CDK14: variants seen among roughly 807,000 people sequenced by gnomAD.
CDK14 encodes the protein cyclin-dependent kinase 14.
A neutral mutation model predicts 60.7 loss-of-function variants in CDK14; 34 were observed. That is an observed-to-expected ratio of 0.56 (90% CI 0.43 to 0.75). CDK14 has a LOEUF of 0.75. CDK14 is among the 30% of genes least tolerant of loss of function. The pLI, the probability that CDK14 is intolerant of heterozygous loss-of-function variation, is 0.00. For synonymous variants in CDK14, 197 were observed against 203.7 expected (o/e 0.97, Z 0.28); for missense variants, 482 against 564.1 (o/e 0.85, Z 1.47).
intron 5 of CDK14, among the ~76,000 whole-genome samples, chr7:90,856,886 T>G (rs971457251): frequency 3.3e-5 from 5 of 152,206 alleles, no homozygotes; most frequent in African/African-American, 9.6e-5. Context: ...GAGTAGTCAT[T>G]CTGGGAAAGT....
intron 2 of CDK14, among the ~76,000 whole-genome samples, chr7:90,647,032 A>G (rs1422663332): frequency 6.6e-6 from 1 of 152,204 alleles, no homozygotes; most frequent in Non-Finnish European, 1.5e-5. Context: ...AATCTGGAAC[A>G]TGAAAATATA....
At chr7:90,676,932 C>CA (rs1369059838) in intron 2 of CDK14, among the ~76,000 whole-genome samples, 2 of 145,062 alleles carry the variant, frequency 1.4e-5, no homozygotes, top group Non-Finnish European at 3.0e-5. Flanking sequence ...CATGTTTATT[C>CA]AGTTGTATAT....
At chr7:90,619,062 A>C (rs1799712116) in intron 2 of CDK14, among the ~76,000 whole-genome samples, 1 of 152,178 alleles carries the variant, frequency 6.6e-6, no homozygotes, top group South Asian at 2.1e-4. Flanking sequence ...CATTTAACAT[A>C]CATTTGAGAG....
intron 4 of CDK14, among the ~76,000 whole-genome samples, chr7:90,785,123 GACAAAATCATAATGGA>G (rs200248706): frequency 0.069 from 10,571 of 152,138 alleles, 851 homozygotes; most frequent in East Asian, 0.42. Flanking sequence ...TTTCTCTTGA[GACAAAATCATAATGGA>G]AGAGAGAAGC....
rs187559716 is a variant in CDK14, at chr7:90,816,367, C to T, written c.544+25715C>T. Among the ~76,000 whole-genome samples the T allele has an allele frequency of 5.4e-3, 829 of 152,278 alleles. 6 individuals are homozygous for T. Among genetic ancestry groups the T allele is most frequent in the Middle Eastern group, 0.02 (6 of 294 alleles). ...TCCTGAAAGTTTTCTAATGAAAACT[C>T]GAGCTGCTCAGATGTTCACTGTTAT... is the stretch of plus-strand genomic sequence containing the variant. On this transcript the variant is annotated intron_variant, in intron 5 of 14. Transcript: ENST00000380050.
chr7:90,913,726 G>A (rs1189212776), intron 7 of CDK14, among the ~76,000 whole-genome samples: 1 of 152,188 alleles, frequency 6.6e-6, no homozygotes, highest in Admixed American at 6.5e-5. Context: ...ACAGACTTCA[G>A]TCTTTCTTCC....
rs73400906 is a variant in CDK14, at chr7:91,080,126, A to G, written c.1154+646A>G. Reference sequence around the variant, plus strand: ...ATTTAGTCATTCCCGTTTACTTGTGAGTGTCACATTTCAAGGTTTATGCTG... The same window carrying G: ...ATTTAGTCATTCCCGTTTACTTGTGGGTGTCACATTTCAAGGTTTATGCTG... On this transcript the variant is annotated intron_variant, in intron 12 of 14. Coordinates refer to ENST00000380050, the MANE Select transcript of CDK14 (RefSeq NM_001287135.2). Among the ~76,000 whole-genome samples the G allele has an allele frequency of 7.8e-3, 1,192 of 152,298 alleles. 18 individuals carry two copies. Among genetic ancestry groups the G allele is most frequent in the African/African-American group, 0.026 (1,097 of 41,554 alleles).
Position 90,649,481 on chromosome 7 carries a change from T to C in CDK14, c.123+45232T>C, listed in dbSNP as rs114449438. 6.9e-3 allele frequency among the ~76,000 whole-genome samples: 1,031 copies of C among 148,464 alleles called. 21 individuals carry two copies. Among genetic ancestry groups the C allele is most frequent in the African/African-American group, 0.022 (885 of 39,790 alleles). On this transcript the variant is annotated intron_variant, in intron 2 of 14. Transcript: ENST00000380050. ...TTTATTTCTCTTTCTTTTTTTTTAATTAAAGTTCTAGGGTACGTGTGCACA... is the reference window on the plus strand; with the variant it reads ...TTTATTTCTCTTTCTTTTTTTTTAACTAAAGTTCTAGGGTACGTGTGCACA...
chr7:91,082,140 C>G (rs1402646540), intron 12 of CDK14, among the ~76,000 whole-genome samples: 5 of 152,208 alleles, frequency 3.3e-5, no homozygotes, highest in Non-Finnish European at 7.3e-5. Flanking sequence ...TATGTGCAAT[C>G]AACCAAGAAT....
At chr7:91,067,622 C>T (rs1476715001) in intron 11 of CDK14, among the ~76,000 whole-genome samples, 1 of 152,176 alleles carries the variant, frequency 6.6e-6, no homozygotes, top group Non-Finnish European at 1.5e-5. Flanking sequence ...AATGTAGCAC[C>T]TGGCACACAG....
At chr7:90,746,339 C>T (rs1264907056) in intron 3 of CDK14, among the ~76,000 whole-genome samples, 1 of 152,096 alleles carries the variant, frequency 6.6e-6, no homozygotes, top group Non-Finnish European at 1.5e-5. Flanking sequence ...CACATAAAAT[C>T]CCAATAAATA....
At chr7:90,885,385 C>T (rs370667301) in intron 6 of CDK14, among the ~76,000 whole-genome samples, 2 of 152,288 alleles carry the variant, frequency 1.3e-5, no homozygotes, top group East Asian at 3.9e-4. Context: ...GAGATACCAT[C>T]TCATGCCAGT....
chr7:90,805,624 A>G (rs1318977467), intron 5 of CDK14, among the ~76,000 whole-genome samples: 2 of 152,122 alleles, frequency 1.3e-5, no homozygotes, highest in African/African-American at 4.8e-5. Flanking sequence ...GATGGAAAGA[A>G]ATAAAGGAAG....
chr7:91,036,139 A>G (rs35544251), intron 10 of CDK14, among the ~76,000 whole-genome samples: 37,348 of 152,102 alleles, frequency 0.25, 5,614 homozygotes, highest in African/African-American at 0.41. Context: ...CACTGCGCCC[A>G]GCTGCTTCAT....
intron 10 of CDK14, among the ~76,000 whole-genome samples, chr7:90,997,563 C>G (rs1245730227): frequency 6.6e-6 from 1 of 152,124 alleles, no homozygotes; most frequent in Non-Finnish European, 1.5e-5. Context: ...CATTCAGATG[C>G]AGAGTTCATT....
Position 90,874,503 on chromosome 7 carries a change from C to CTTTTT in CDK14, c.639+11266_639+11270dup, listed in dbSNP as rs747439482. On this transcript the variant is annotated intron_variant, in intron 6 of 14. Transcript: ENST00000380050. ...ATCTGGAATCTCATGTCCTTTCATC[C>CTTTTT]TTTTTTTTTTTTTTTTTTTTTTTTT... 1.9e-3 allele frequency among the ~76,000 whole-genome samples: 93 copies of CTTTTT among 48,010 alleles called. 28 individuals carry two copies. The highest frequency in any genetic ancestry group is 0.016 in the Middle Eastern group (1 of 62). 31.5% of individuals were successfully genotyped at this position (48,010 alleles called of 152,430 possible). A position where few individuals can be genotyped will look rare whatever the true frequency, so the allele number is the denominator to read the frequency against.
intron 14 of CDK14, among the ~76,000 whole-genome samples, chr7:91,166,546 A>G (rs1220682126): frequency 6.6e-6 from 1 of 152,218 alleles, no homozygotes; most frequent in African/African-American, 2.4e-5. Flanking sequence ...TATTATTCGT[A>G]TTTTATAAGA....
At chr7:90,868,448 C>T (rs536427117) in intron 6 of CDK14, among the ~76,000 whole-genome samples, 211 of 151,974 alleles carry the variant, frequency 1.4e-3, no homozygotes, top group African/African-American at 4.7e-3. Context: ...TAAGTATATA[C>T]AGTCATTTGC....
At chr7:90,811,284 A>G (rs573959430) in intron 5 of CDK14, among the ~76,000 whole-genome samples, 1 of 152,192 alleles carries the variant, frequency 6.6e-6, no homozygotes, top group South Asian at 2.1e-4. Context: ...GACCAATGGA[A>G]CAGAACAGAG....
Sources: allele counts gnomAD v4.1 joint callset (sites outside exome capture counted in the v4.1 genomes callset), GRCh38; gene constraint gnomAD v4.1.1; transcripts MANE v1.5; gene names NCBI Gene and HGNC (gene_info 2026-07-23, HGNC 2026-07-21).